The following MRPS27 variants were observed in gnomAD, a reference collection of about 807,000 sequenced individuals.
MRPS27 encodes mitochondrial ribosomal protein S27, also known as small ribosomal subunit protein mS27.
Under a neutral mutation model 48.9 loss-of-function variants are expected in MRPS27, and 43 were observed. The ratio of observed to expected loss-of-function variants is 0.88; its 90% CI spans 0.69 to 1.13. The LOEUF is 1.13. MRPS27 is among the 50% of genes most tolerant of loss of function. The pLI is 0.00. For missense variants in MRPS27, 467 were observed against 476.3 expected, an observed-to-expected ratio of 0.98 and a Z score of 0.18; for synonymous variants, 188 against 171.9, an observed-to-expected ratio of 1.09 and a Z score of -0.73.
intron 4 of MRPS27, among the ~76,000 whole-genome samples, chr5:72,279,617 T>TAACAAC (rs199714561): frequency 1.3e-5 from 2 of 151,546 alleles, no homozygotes; most frequent in Non-Finnish European, 2.9e-5. Flanking sequence ...AAGCATTAAA[T>TAACAAC]AACAACAACA....
At chr5:72,315,129 A>T (rs770004225) in intron 1 of MRPS27, among the ~76,000 whole-genome samples, 19 of 152,348 alleles carry the variant, frequency 1.2e-4, no homozygotes, top group Non-Finnish European at 2.4e-4. Context: ...TTGTGCTTTG[A>T]AGTACAATCT....
At chr5:72,255,165 C>T (rs1748767618) in intron 4 of MRPS27, among the ~76,000 whole-genome samples, 1 of 151,012 alleles carries the variant, frequency 6.6e-6, no homozygotes, top group Non-Finnish European at 1.5e-5. Context: ...ATTCTCCTGC[C>T]TCAGTCTCCT....
intron 2 of MRPS27, 138 bp downstream of exon 2, chr5:72,313,943 T>C: frequency 1.6e-6 from 1 of 609,386 alleles, no homozygotes; most frequent in South Asian, 3.0e-5. Context: ...AAAGTCTAAC[T>C]CTTTAAGACT....
chr5:72,255,119 A>T (rs1580074060), intron 4 of MRPS27, among the ~76,000 whole-genome samples: 1 of 137,742 alleles, frequency 7.3e-6, no homozygotes, highest in African/African-American at 2.8e-5. Context: ...GCTCACTGCA[A>T]CCTCCACCTC....
At chr5:72,260,589 T>C (rs1362404505) in intron 4 of MRPS27, among the ~76,000 whole-genome samples, 8 of 152,218 alleles carry the variant, frequency 5.3e-5, no homozygotes, top group African/African-American at 1.9e-4. Flanking sequence ...GTATCACTTG[T>C]TCCTTATCCT....
At chr5:72,239,566 G>A (rs1748296534) in intron 4 of MRPS27, among the ~76,000 whole-genome samples, 1 of 152,178 alleles carries the variant, frequency 6.6e-6, no homozygotes, top group South Asian at 2.1e-4. Flanking sequence ...CGTGGCCAGA[G>A]AAAGGCATGG....
At chr5:72,221,956 A>C (rs1005336248) in intron 10 of MRPS27, among the ~76,000 whole-genome samples, 5 of 152,110 alleles carry the variant, frequency 3.3e-5, no homozygotes, top group African/African-American at 7.2e-5. Flanking sequence ...CTCTCATTAG[A>C]GAGAGGGCCA....
At chr5:72,261,087 C>G (rs753901561) in intron 4 of MRPS27, among the ~76,000 whole-genome samples, 12 of 152,152 alleles carry the variant, frequency 7.9e-5, no homozygotes, top group Non-Finnish European at 1.3e-4. Context: ...TGGTCTCGAA[C>G]TCCTGGCCTC....
chr5:72,237,129 T>C (rs1484171261), intron 5 of MRPS27, among the ~76,000 whole-genome samples: 3 of 152,220 alleles, frequency 2.0e-5, no homozygotes, highest in Non-Finnish European at 4.4e-5. Flanking sequence ...ATTACAGGCA[T>C]GTGCCACGGT....
At chr5:72,260,858 C>T (rs1561343585) in intron 4 of MRPS27, among the ~76,000 whole-genome samples, 2 of 152,082 alleles carry the variant, frequency 1.3e-5, no homozygotes. Flanking sequence ...AAATCATTTA[C>T]ATTAATTAAT....
At chr5:72,240,213 G>A (rs1470273906) in intron 4 of MRPS27, among the ~76,000 whole-genome samples, 2 of 152,172 alleles carry the variant, frequency 1.3e-5, no homozygotes, top group East Asian at 3.9e-4. Flanking sequence ...TAATGTCTAT[G>A]GTATATATGA....
At chr5:72,233,944 TAA>T (rs1300400149) in intron 6 of MRPS27, among the ~76,000 whole-genome samples, 173 bp downstream of exon 6, 18 of 152,136 alleles carry the variant, frequency 1.2e-4, no homozygotes, top group Non-Finnish European at 1.3e-4. Flanking sequence ...TATCTTAAAA[TAA>T]AAATAATGTT....
At chr5:72,310,197 G>C (rs1342694521) in intron 2 of MRPS27, among the ~76,000 whole-genome samples, 1 of 152,064 alleles carries the variant, frequency 6.6e-6, no homozygotes, top group Non-Finnish European at 1.5e-5. Flanking sequence ...TTTTTTTCCA[G>C]AACTGTTCAC....
chr5:72,307,202 A>G (rs1158905799), intron 2 of MRPS27, among the ~76,000 whole-genome samples: 1 of 151,996 alleles, frequency 6.6e-6, no homozygotes, highest in Non-Finnish European at 1.5e-5. Context: ...AAATACAAAA[A>G]TTAGCCGGGC....
rs563007408 is a variant in MRPS27 at position 72,303,404 on chromosome 5, G to T, written c.152-5702C>A. Among the ~76,000 whole-genome samples, 8 of 152,234 alleles carry T rather than the reference G, an allele frequency of 5.3e-5. No homozygotes were observed. The South Asian group carries it at 1.7e-3, about 32-fold the overall frequency. On this transcript the variant is annotated intron_variant, in intron 2 of 10. Coordinates refer to ENST00000261413, the MANE Select transcript of MRPS27 (RefSeq NM_015084.3). ...AGATAATTACACAGAATGCTGCAAA[G>T]ATAAAAATGAGAACTGTAAAAGAGC...
intron 4 of MRPS27, among the ~76,000 whole-genome samples, chr5:72,243,303 A>G (rs1478974498): frequency 6.6e-6 from 1 of 152,134 alleles, no homozygotes; most frequent in Non-Finnish European, 1.5e-5. Flanking sequence ...TTTAAATCAG[A>G]ATCTGATTCA....
At chr5:72,266,110 G>C (rs17310392) in intron 4 of MRPS27, among the ~76,000 whole-genome samples, 35,333 of 151,944 alleles carry the variant, frequency 0.23, 5,235 homozygotes, top group Non-Finnish European at 0.33. Context: ...TGGTGGAGTA[G>C]ACAAAAAAAT....
intron 4 of MRPS27, chr5:72,241,358 A>G (rs1387529648): frequency 8.4e-6 from 4 of 478,384 alleles, no homozygotes; most frequent in South Asian, 3.0e-5. Context: ...ACTTACACAC[A>G]TACTATAAAA....
At chr5:72,285,026 G>A (rs1324896684) in intron 4 of MRPS27, among the ~76,000 whole-genome samples, 1 of 152,160 alleles carries the variant, frequency 6.6e-6, no homozygotes, top group East Asian at 1.9e-4. Flanking sequence ...AATTTTGACA[G>A]ATGCTGCCAA....
Sources: gnomAD v4.1 joint callset for allele counts (sites outside exome capture counted in the v4.1 genomes callset) on GRCh38, gnomAD v4.1.1 for gene constraint, MANE v1.5 for transcripts, NCBI Gene and HGNC (gene_info 2026-07-23, HGNC 2026-07-21) for gene names.